Variants in WDR45 observed in about 807,000 individuals in gnomAD.
WDR45 encodes WD repeat domain 45, also known as WD repeat domain phosphoinositide-interacting protein 4.
In WDR45, 2 loss-of-function variants were observed where a neutral mutation model predicts 27.3. The observed-to-expected ratio is 0.07, with a 90% confidence interval of 0.03 to 0.23. The LOEUF is 0.23. Among genes scored for constraint, WDR45 ranks in the 10% least tolerant of loss-of-function variants. The pLI is 1.00. For synonymous variants in WDR45, 99 were observed against 119.2 expected, an observed-to-expected ratio of 0.83 and a Z score of 1.11; for missense variants, 175 against 311.9, an observed-to-expected ratio of 0.56 and a Z score of 3.31.
rs781885200 is a variant in WDR45, at chrX:49,098,017, T to C, written c.-18+2188A>G. On this transcript the variant is annotated intron_variant, in intron 2 of 11. Coordinates refer to the WDR45 transcript ENST00000356463. ...CCCAGGCTGGAGTGCCGTGGTGTGA[T>C]CATGGCTCACTGCGGCCTCTAATTG... Among the ~76,000 whole-genome samples, 372 of 111,277 alleles carry C rather than the reference T, an allele frequency of 3.3e-3. 3 individuals are homozygous for C. Among genetic ancestry groups the C allele is most frequent in the African/African-American group, 0.011 (345 of 30,676 alleles).
At chrX:49,096,113 CT>C (rs1247634107) in intron 2 of WDR45, among the ~76,000 whole-genome samples, 2 of 110,271 alleles carry the variant, frequency 1.8e-5, no homozygotes, top group African/African-American at 3.3e-5. Context: ...GGGAACTGAA[CT>C]TTTTTTCCTC....
upstream of WDR45, chrX:49,081,948 A>C (rs1557085202): frequency 1.0e-5 from 1 of 96,172 alleles, no homozygotes; most frequent in Non-Finnish European, 2.0e-5. Flanking sequence ...GCGCCACTGC[A>C]CTCCAGCCTG....
rs2065024871 is a variant in WDR45, at chrX:49,074,476, T to C, written c.*327A>G. On this transcript the variant is annotated 3_prime_UTR_variant, in exon 11 of 11. Transcript: ENST00000376372. ...GGGCCTTTTATTCGTATTCATCACA[T>C]CGGAGATCATCTCTTCCTAGGAAGC... 2.8e-6 allele frequency: 1 copy of C among 357,858 alleles called. No homozygotes were observed. Among genetic ancestry groups the C allele is most frequent in the Non-Finnish European group, 4.8e-6 (1 of 208,594 alleles). 29.5% of individuals were successfully genotyped at this position (357,858 alleles called of 1,213,427 possible).
chrX:49,092,119 CAAAAAAAAAA>C (rs61126954), intron 2 of WDR45, among the ~76,000 whole-genome samples: 10 of 35,733 alleles, frequency 2.8e-4, no homozygotes, highest in South Asian at 5.5e-3. Context: ...CACTCCATCT[CAAAAAAAAAA>C]AAAAAAAAAA....
rs781891625 is a variant in WDR45, at chrX:49,074,922, G to C, written c.974-10C>G. The C allele has an allele frequency of 1.2e-5, 14 of 1,186,997 alleles. No homozygotes were observed. In the East Asian group the frequency reaches 1.8e-4, roughly 15 times the overall value. Reference sequence around the variant, plus strand: ...CCATCTACGCAGATGGCTGGGGGAGGGGGGGTGGTAAAAGGTCAGAGGCTG... The same window carrying C: ...CCATCTACGCAGATGGCTGGGGGAGCGGGGGTGGTAAAAGGTCAGAGGCTG... On this transcript the variant is annotated splice_polypyrimidine_tract_variant and intron_variant, in intron 10 of 10. Coordinates refer to ENST00000376372, the MANE Select transcript of WDR45 (RefSeq NM_001029896.2).
chrX:49,079,940 C>T (rs1477953897), upstream of WDR45: 1 of 113,071 alleles, frequency 8.8e-6, no homozygotes, highest in Non-Finnish European at 1.9e-5. Flanking sequence ...ATGACTCACC[C>T]CAGCTGGAAA....
intron 2 of WDR45, among the ~76,000 whole-genome samples, chrX:49,096,823 G>A (rs1337160762): frequency 3.6e-5 from 4 of 111,397 alleles, no homozygotes; most frequent in African/African-American, 1.3e-4. Flanking sequence ...GCACAATATC[G>A]GCTCACTACA....
At chrX:49,100,507 AT>A (rs1211517039) in exon 2 of WDR45, 1 of 113,453 alleles carries the variant, frequency 8.8e-6, no homozygotes, top group Non-Finnish European at 1.9e-5. Flanking sequence ...AAGTGCTGGG[AT>A]TACAGGCGTG....
At chrX:49,077,387 A>G in intron 4 of WDR45, 1 of 424,149 alleles carries the variant, frequency 2.4e-6, no homozygotes, top group South Asian at 3.7e-5. Flanking sequence ...ATAAACGTAA[A>G]GTGCTTAGGG....
chrX:49,089,475 A>G (rs1185878195), intron 2 of WDR45, among the ~76,000 whole-genome samples: 3 of 109,810 alleles, frequency 2.7e-5, no homozygotes, highest in Non-Finnish European at 5.7e-5. Flanking sequence ...GCTCACTACA[A>G]CCTCAGCCTC....
At position 49,091,220 on chromosome X, in the gene WDR45, C is replaced by T. The variant is rs1037100554; in HGVS notation, c.-18+8985G>A. 2.7e-5 allele frequency among the ~76,000 whole-genome samples: 3 copies of T among 110,023 alleles called. No individual in the cohort carries two copies. In the Admixed American group the frequency reaches 2.9e-4, roughly 11 times the overall value. On this transcript the variant is annotated intron_variant, in intron 2 of 11. Transcript: ENST00000356463. The stretch of plus-strand genomic sequence containing the variant: ...CTTTGGGAGGCTGAGGCGGGTGGAT[C>T]ACTTGAGCTCAGGAGTTCAAGACCA...
chrX:49,083,493 C>T (rs1301472984), upstream of WDR45, among the ~76,000 whole-genome samples: 3 of 110,285 alleles, frequency 2.7e-5, no homozygotes, highest in South Asian at 7.7e-4. Context: ...AGGCCTTCAG[C>T]TTAGACCTTT....
intron 2 of WDR45, among the ~76,000 whole-genome samples, chrX:49,091,565 A>T (rs1340244227): frequency 2.2e-5 from 2 of 90,148 alleles, no homozygotes; most frequent in Non-Finnish European, 2.2e-5. Context: ...CTGGCTAACA[A>T]GGTGAAACCC....
intron 2 of WDR45, among the ~76,000 whole-genome samples, chrX:49,095,607 C>A (rs1412543345): frequency 9.3e-6 from 1 of 107,993 alleles, no homozygotes; most frequent in South Asian, 4.1e-4. Context: ...ACTACAGGCG[C>A]CCGCCACCAC....
chrX:49,080,211 A>G (rs2065060632), upstream of WDR45: 1 of 112,101 alleles, frequency 8.9e-6, no homozygotes, highest in South Asian at 3.7e-4. Context: ...CTTCCCTGCT[A>G]ACAAGACGCG....
upstream of WDR45, among the ~76,000 whole-genome samples, chrX:49,080,562 C>T (rs950204698): frequency 9.0e-6 from 1 of 110,964 alleles, no homozygotes; most frequent in Admixed American, 9.6e-5. Context: ...CCTGCCTCAG[C>T]CTCCGGAGTA....
intron 2 of WDR45, among the ~76,000 whole-genome samples, chrX:49,085,358 CAT>C (rs1343186395): frequency 8.9e-6 from 1 of 112,061 alleles, no homozygotes; most frequent in Admixed American, 9.5e-5. Context: ...CTGGAAAACT[CAT>C]AATTCACAGG....
intron 1 of WDR45, chrX:49,100,641 CT>C (rs1402064909): frequency 8.7e-6 from 1 of 114,376 alleles, no homozygotes; most frequent in African/African-American, 3.2e-5. Context: ...CCGACCAGAC[CT>C]TAATGCTCCA....
chrX:49,097,564 G>A (rs939325138), intron 2 of WDR45, among the ~76,000 whole-genome samples: 3 of 110,189 alleles, frequency 2.7e-5, no homozygotes, highest in Non-Finnish European at 5.7e-5. Flanking sequence ...CTGACCTCAG[G>A]TGATCTGCCC....
Sources: allele counts gnomAD v4.1 joint callset (sites outside exome capture counted in the v4.1 genomes callset), GRCh38; gene constraint gnomAD v4.1.1; transcripts MANE v1.5; gene names NCBI Gene and HGNC (gene_info 2026-07-23, HGNC 2026-07-21).